SIK2: variants seen among roughly 807,000 people sequenced by gnomAD.
SIK2 encodes the protein salt inducible kinase 2.
SIK2 carries 29 observed loss-of-function variants against 103.2 expected under a neutral mutation model. The ratio of observed to expected loss-of-function variants is 0.28; its 90% confidence interval spans 0.21 to 0.38. The LOEUF (loss-of-function observed/expected upper bound fraction) is 0.38. Ranked by LOEUF, SIK2 falls within the 10% of genes least tolerant of loss-of-function variation. SIK2 has a pLI of 1.00. For missense variants in SIK2, 879 were observed against 1,171.0 expected, an observed-to-expected ratio of 0.75 and a Z score of 3.64; for synonymous variants, 412 against 446.1, an observed-to-expected ratio of 0.92 and a Z score of 0.96.
chr11:111,645,442 C>A (rs1942242485), intron 3 of SIK2, among the ~76,000 whole-genome samples: 7 of 152,176 alleles, frequency 4.6e-5, no homozygotes, highest in Admixed American at 4.6e-4. Context: ...GGAAAGCAGA[C>A]ACAGAAGAAT....
intron 3 of SIK2, among the ~76,000 whole-genome samples, chr11:111,684,197 G>A (rs562991140): frequency 1.3e-5 from 2 of 152,054 alleles, no homozygotes; most frequent in Admixed American, 6.5e-5. Flanking sequence ...CTGCTGCCAC[G>A]TTTCAAACTT....
chr11:111,637,083 T>C (rs1205145729), intron 3 of SIK2, among the ~76,000 whole-genome samples: 4 of 152,186 alleles, frequency 2.6e-5, no homozygotes, highest in Non-Finnish European at 5.9e-5. Flanking sequence ...TATTCAGATA[T>C]TAGGCTTTCT....
At chr11:111,622,786 A>G (rs1323183619) in intron 3 of SIK2, among the ~76,000 whole-genome samples, 1 of 151,794 alleles carries the variant, frequency 6.6e-6, no homozygotes, top group Admixed American at 6.6e-5. Flanking sequence ...CTTTTTCTTT[A>G]TTCCTGTGTA....
intron 4 of SIK2, among the ~76,000 whole-genome samples, chr11:111,700,136 T>C (rs960056060): frequency 6.6e-6 from 1 of 152,240 alleles, no homozygotes; most frequent in African/African-American, 2.4e-5. Flanking sequence ...TTTTAATGCA[T>C]GTTGAAGGCA....
chr11:111,638,502 A>G (rs928738602), intron 3 of SIK2, among the ~76,000 whole-genome samples: 3 of 152,148 alleles, frequency 2.0e-5, no homozygotes, highest in Non-Finnish European at 4.4e-5. Flanking sequence ...TGTAAATTAT[A>G]TTGATTCAAG....
chr11:111,702,679 CAG>C (rs1240751676), intron 6 of SIK2, among the ~76,000 whole-genome samples: 1 of 152,120 alleles, frequency 6.6e-6, no homozygotes, highest in Non-Finnish European at 1.5e-5. Context: ...CATGTCAGCT[CAG>C]AGAATATGCT....
chr11:111,635,303 G>A (rs11213962), intron 3 of SIK2, among the ~76,000 whole-genome samples: 91,594 of 151,180 alleles, frequency 0.61, 30,993 homozygotes, highest in East Asian at 0.96. Flanking sequence ...AAAAATGAAA[G>A]GGGTATATGA....
intron 3 of SIK2, among the ~76,000 whole-genome samples, chr11:111,637,533 C>T (rs964476324): frequency 3.4e-5 from 5 of 147,684 alleles, no homozygotes; most frequent in Non-Finnish European, 5.9e-5. Context: ...AATCTTGGCT[C>T]ATTGCAACCT....
intron 9 of SIK2, among the ~76,000 whole-genome samples, chr11:111,713,537 T>C (rs1166119502): frequency 6.6e-6 from 1 of 152,218 alleles, no homozygotes; most frequent in Non-Finnish European, 1.5e-5. Flanking sequence ...AATAATGGTT[T>C]CCTGTCTTTT....
intron 7 of SIK2, among the ~76,000 whole-genome samples, chr11:111,704,513 C>G (rs1169454950): frequency 6.6e-6 from 1 of 152,214 alleles, no homozygotes; most frequent in African/African-American, 2.4e-5. Context: ...ATGCCATTCT[C>G]CAGCCCAAAA....
At chr11:111,681,522 T>A (rs1000521459) in intron 3 of SIK2, among the ~76,000 whole-genome samples, 3 of 152,216 alleles carry the variant, frequency 2.0e-5, no homozygotes, top group Admixed American at 6.5e-5. Flanking sequence ...TCCTTTGTAG[T>A]CATTTATTAT....
At chr11:111,712,578 C>T (rs1033003513) in intron 9 of SIK2, among the ~76,000 whole-genome samples, 3 of 152,170 alleles carry the variant, frequency 2.0e-5, no homozygotes, top group Non-Finnish European at 2.9e-5. Context: ...ATGACCATTA[C>T]GTAATTTGTC....
At chr11:111,670,323 A>G (rs540168960) in intron 3 of SIK2, among the ~76,000 whole-genome samples, 1 of 152,366 alleles carries the variant, frequency 6.6e-6, no homozygotes, top group East Asian at 1.9e-4. Flanking sequence ...TGTGAATGAA[A>G]TATTTGTCAT....
intron 1 of SIK2, 77 bp from the exon 2 acceptor site, chr11:111,616,166 A>G: frequency 2.1e-6 from 2 of 947,386 alleles, no homozygotes; most frequent in Admixed American, 2.0e-5. Flanking sequence ...GTCTCATGTC[A>G]TTTATTGACA....
intron 9 of SIK2, among the ~76,000 whole-genome samples, chr11:111,713,766 AGACCAG>A (rs1174603859): frequency 2.6e-5 from 4 of 152,354 alleles, no homozygotes; most frequent in African/African-American, 9.6e-5. Context: ...CAGGAGTTCA[AGACCAG>A]CGTGGCCAAC....
At chr11:111,649,563 A>G (rs1040436078) in intron 3 of SIK2, among the ~76,000 whole-genome samples, 3 of 152,164 alleles carry the variant, frequency 2.0e-5, no homozygotes, top group African/African-American at 7.2e-5. Flanking sequence ...GTACTTGGGT[A>G]GTTACATTAT....
chr11:111,613,827 T>C (rs1941763806), intron 1 of SIK2, among the ~76,000 whole-genome samples: 2 of 152,152 alleles, frequency 1.3e-5, no homozygotes, highest in Admixed American at 6.5e-5. Context: ...TTATGTTTAG[T>C]AATCGGATTT....
chr11:111,686,758 T>G (rs1942851930), intron 3 of SIK2, among the ~76,000 whole-genome samples: 1 of 152,234 alleles, frequency 6.6e-6, no homozygotes, highest in African/African-American at 2.4e-5. Flanking sequence ...GCTTCTTTAT[T>G]AAAGATTATA....
chr11:111,676,638 A>G (rs551465502), intron 3 of SIK2, among the ~76,000 whole-genome samples: 4 of 152,340 alleles, frequency 2.6e-5, no homozygotes, highest in African/African-American at 9.6e-5. Flanking sequence ...TGAATGAATG[A>G]TGATGTCTTA....
Sources: gnomAD v4.1 joint callset for allele counts (sites outside exome capture counted in the v4.1 genomes callset) on GRCh38, gnomAD v4.1.1 for gene constraint, MANE v1.5 for transcripts, NCBI Gene and HGNC (gene_info 2026-07-23, HGNC 2026-07-21) for gene names.